TMTC2: variants seen among roughly 807,000 people sequenced by gnomAD.
TMTC2 encodes transmembrane O-mannosyltransferase targeting cadherins 2, also known as protein O-mannosyl-transferase TMTC2.
TMTC2 carries 43 observed loss-of-function variants against 82.4 expected under a neutral mutation model. The ratio of observed to expected loss-of-function variants is 0.52; its 90% CI spans 0.41 to 0.67. The LOEUF (loss-of-function observed/expected upper bound fraction) is 0.67, where lower values mean the gene tolerates loss of function less well. Among genes scored for constraint, TMTC2 ranks in the 30% least tolerant of loss-of-function variants. The pLI, the probability that TMTC2 is intolerant of heterozygous loss-of-function variation, is 0.00. For missense variants in TMTC2, 919 were observed against 1,012.4 expected (o/e 0.91, Z 1.25); for synonymous variants, 408 against 381.9 (o/e 1.07, Z -0.80).
chr12:82,718,323 C>G (rs1484137843), intron 1 of TMTC2, among the ~76,000 whole-genome samples: 1 of 152,154 alleles, frequency 6.6e-6, no homozygotes, highest in Non-Finnish European at 1.5e-5. Context: ...CAAAACTAAG[C>G]AAGACATGAA....
chr12:83,048,155 T>A (rs1305448986), intron 9 of TMTC2, among the ~76,000 whole-genome samples: 1 of 152,204 alleles, frequency 6.6e-6, no homozygotes, highest in African/African-American at 2.4e-5. Flanking sequence ...TGTGTTTTAA[T>A]TTAAAAAGCA....
At chr12:82,868,282 G>A (rs905641279) in intron 2 of TMTC2, among the ~76,000 whole-genome samples, 5 of 152,144 alleles carry the variant, frequency 3.3e-5, no homozygotes, top group African/African-American at 7.2e-5. Flanking sequence ...AGTAGTTAAT[G>A]GAATGCATGC....
At chr12:83,023,677 T>A (rs555776270) in intron 8 of TMTC2, among the ~76,000 whole-genome samples, 40 of 152,340 alleles carry the variant, frequency 2.6e-4, no homozygotes, top group African/African-American at 9.6e-4. Context: ...AGCCTTGTCC[T>A]GGGCATAATA....
At chr12:82,883,390 A>G (rs1245209980) in intron 2 of TMTC2, among the ~76,000 whole-genome samples, 1 of 152,164 alleles carries the variant, frequency 6.6e-6, no homozygotes, top group East Asian at 1.9e-4. Context: ...TTCTATTTGT[A>G]TATATAATAT....
chr12:82,715,261 C>T (rs1301756915), intron 1 of TMTC2, among the ~76,000 whole-genome samples: 1 of 146,822 alleles, frequency 6.8e-6, no homozygotes, highest in East Asian at 2.0e-4. Context: ...GGCGACAGAA[C>T]GAGACTCCAT....
At chr12:82,821,872 G>A (rs1869133646) in intron 1 of TMTC2, among the ~76,000 whole-genome samples, 1 of 140,162 alleles carries the variant, frequency 7.1e-6, no homozygotes, top group Non-Finnish European at 1.5e-5. Flanking sequence ...CTGGGTGACA[G>A]AGCAAGACTC....
intron 2 of TMTC2, among the ~76,000 whole-genome samples, chr12:82,882,835 A>G (rs1592599165): frequency 6.6e-6 from 1 of 152,230 alleles, no homozygotes; most frequent in Middle Eastern, 3.4e-3. Context: ...AGGCAGGCAG[A>G]TCACAAGGTC....
intron 1 of TMTC2, among the ~76,000 whole-genome samples, chr12:82,720,094 C>T (rs1351414304): frequency 6.6e-6 from 1 of 152,048 alleles, no homozygotes; most frequent in Non-Finnish European, 1.5e-5. Context: ...ATATACAGTT[C>T]ACCCATTTAA....
intron 2 of TMTC2, among the ~76,000 whole-genome samples, chr12:82,888,067 G>C (rs1703094): frequency 2.6e-5 from 4 of 151,780 alleles, no homozygotes; most frequent in Non-Finnish European, 5.9e-5. Context: ...TAACAAGAGC[G>C]AAACTCTATC....
intron 11 of TMTC2, among the ~76,000 whole-genome samples, chr12:83,116,326 C>G (rs1182087632): frequency 6.6e-6 from 1 of 152,060 alleles, no homozygotes; most frequent in Non-Finnish European, 1.5e-5. Context: ...GTTTCTTTAT[C>G]CACTCGTTGA....
In TMTC2 at chr12:82,817,131, G is replaced by C. The variant is rs191173155; in HGVS notation, c.84-39879G>C. Among the ~76,000 whole-genome samples, 34 of 151,650 alleles carry C rather than the reference G, an allele frequency of 2.2e-4. No homozygotes were observed. The East Asian group carries it at 6.4e-3, about 29-fold the overall frequency. ...TATAGGCGCCCGCCACCACACCCTT[G>C]CTAATTTTTGTATTTTTAGGAGAGA... On this transcript the variant is annotated intron_variant, in intron 1 of 11. Transcript: ENST00000321196.
intron 1 of TMTC2, among the ~76,000 whole-genome samples, chr12:82,700,147 C>T (rs917399562): frequency 2.0e-5 from 3 of 152,034 alleles, no homozygotes; most frequent in East Asian, 1.9e-4. Context: ...GGTGACTGTA[C>T]GTGCTAATGG....
At chr12:83,058,355 AACTC>A (rs1882620242) in intron 10 of TMTC2, among the ~76,000 whole-genome samples, 2 of 151,904 alleles carry the variant, frequency 1.3e-5, no homozygotes, top group East Asian at 3.9e-4. Context: ...AAATATAATC[AACTC>A]ACTCCAGTGA....
intron 3 of TMTC2, among the ~76,000 whole-genome samples, chr12:82,904,628 A>G (rs1874192492): frequency 6.6e-6 from 1 of 152,172 alleles, no homozygotes; most frequent in African/African-American, 2.4e-5. Context: ...GGAAAAAGCA[A>G]ATTTTCTCTG....
chr12:83,079,833 A>T (rs1001021475), intron 11 of TMTC2, among the ~76,000 whole-genome samples: 3 of 152,300 alleles, frequency 2.0e-5, no homozygotes, highest in East Asian at 1.9e-4. Context: ...TTAACAGAAA[A>T]GAGATTATTT....
At chr12:83,118,101 A>G (rs1015354453) in intron 11 of TMTC2, among the ~76,000 whole-genome samples, 1 of 152,132 alleles carries the variant, frequency 6.6e-6, no homozygotes, top group Admixed American at 6.6e-5. Context: ...GTATGCTGTC[A>G]TATCATCAGC....
chr12:82,806,927 A>G lies in TMTC2; in HGVS notation c.84-50083A>G, dbSNP rs946248472. Among the ~76,000 whole-genome samples the G allele has an allele frequency of 4.6e-5, 7 of 152,040 alleles. No individual in the cohort carries two copies. The South Asian group carries it at 6.2e-4, about 14-fold the overall frequency. On this transcript the variant is annotated intron_variant, in intron 1 of 11. Transcript: ENST00000321196. ...CTGTATATACACCATTCTTAAGTAC[A>G]TGGACTGTGTACATATTTTGTCCAT...
intron 3 of TMTC2, among the ~76,000 whole-genome samples, chr12:82,917,586 T>G (rs2137221505): frequency 6.6e-6 from 1 of 151,688 alleles, no homozygotes; most frequent in East Asian, 2.0e-4. Flanking sequence ...TAAAATTGGC[T>G]TTTATTTTAT....
chr12:83,076,587 T>C (rs1324918036), intron 11 of TMTC2, among the ~76,000 whole-genome samples: 1 of 152,228 alleles, frequency 6.6e-6, no homozygotes, highest in Non-Finnish European at 1.5e-5. Context: ...GGGTGACTAG[T>C]GGCTGTCAAC....
Sources: gnomAD v4.1 joint callset for allele counts (sites outside exome capture counted in the v4.1 genomes callset) on GRCh38, gnomAD v4.1.1 for gene constraint, MANE v1.5 for transcripts, NCBI Gene and HGNC (gene_info 2026-07-23, HGNC 2026-07-21) for gene names.